The following ADAMTS2 variants were observed in gnomAD, a reference collection of about 807,000 sequenced individuals.
The protein encoded by ADAMTS2 is A disintegrin and metalloproteinase with thrombospondin motifs 2.
In ADAMTS2, 50 loss-of-function variants were observed where a neutral mutation model predicts 123.0. That is an observed-to-expected ratio of 0.41 (90% CI 0.32 to 0.51). The LOEUF (loss-of-function observed/expected upper bound fraction) is 0.51. ADAMTS2 is among the 20% of genes least tolerant of loss of function. The pLI, the probability that ADAMTS2 is intolerant of heterozygous loss-of-function variation, is 0.35. For missense variants in ADAMTS2, 1,494 were observed against 1,705.2 expected (o/e 0.88, Z 2.18); for synonymous variants, 678 against 695.4 (o/e 0.98, Z 0.39).
In ADAMTS2 at chr5:179,113,706, T is replaced by C; in HGVS notation, c.*161A>G. ...CACACGTGCTAACCTAGTTACCACATGCTCATGCCTATCTTTCTTACGTCA... is the reference window on the plus strand; with the variant it reads ...CACACGTGCTAACCTAGTTACCACACGCTCATGCCTATCTTTCTTACGTCA... On this transcript the variant is annotated 3_prime_UTR_variant, in exon 22 of 22. Transcript: ENST00000251582. The C allele has an allele frequency of 2.7e-6, 2 of 748,030 alleles. No individual in the cohort carries two copies. The highest frequency in any genetic ancestry group is 2.2e-6 in the Non-Finnish European group (1 of 445,456). 46.3% of individuals were successfully genotyped at this position (748,030 alleles called of 1,614,324 possible). A position where few individuals can be genotyped will look rare whatever the true frequency, so the allele number is the denominator to read the frequency against.
chr5:179,140,760 T>C (rs1266961042), intron 10 of ADAMTS2, among the ~76,000 whole-genome samples: 2 of 150,314 alleles, frequency 1.3e-5, no homozygotes, highest in African/African-American at 4.9e-5. Context: ...TCTAATACAT[T>C]GACTGACAGA....
chr5:179,322,486 A>ACT (rs1757213714), intron 2 of ADAMTS2, among the ~76,000 whole-genome samples: 2 of 152,154 alleles, frequency 1.3e-5, no homozygotes, highest in Non-Finnish European at 2.9e-5. Flanking sequence ...TTGAGGACAA[A>ACT]CCCTGAGCCA....
chr5:179,332,857 C>T lies in ADAMTS2; in HGVS notation c.534+10910G>A, dbSNP rs1581285950. 6.6e-6 allele frequency among the ~76,000 whole-genome samples: 1 copy of T among 152,256 alleles called. No individual in the cohort carries two copies. Among genetic ancestry groups the T allele is most frequent in the Non-Finnish European group, 1.5e-5 (1 of 68,018 alleles). On this transcript the variant is annotated intron_variant, in intron 2 of 21. Coordinates refer to ENST00000251582, the MANE Select transcript of ADAMTS2 (RefSeq NM_014244.5). The surrounding 1 kb of genome is among the most constrained non-coding windows in gnomAD (Gnocchi z 4.2). ...GCACCAAGGAGGATGCCTACCACTG[C>T]CCCCACCTTGCCCTGATCAGGTCTG...
chr5:179,153,325 T>C (rs1044267928), intron 9 of ADAMTS2, among the ~76,000 whole-genome samples, 166 bp downstream of exon 9: 1 of 151,964 alleles, frequency 6.6e-6, no homozygotes, highest in Non-Finnish European at 1.5e-5. Flanking sequence ...TCAGGGTGCC[T>C]AGGGGGTGGG....
At chr5:179,229,269 G>A (rs182007763) in intron 3 of ADAMTS2, among the ~76,000 whole-genome samples, 13 of 151,984 alleles carry the variant, frequency 8.6e-5, no homozygotes, top group African/African-American at 2.2e-4. Flanking sequence ...ACGAGACCCC[G>A]CTGCCCACTC....
At chr5:179,223,741 G>A (rs1273326075) in intron 3 of ADAMTS2, among the ~76,000 whole-genome samples, 1 of 152,186 alleles carries the variant, frequency 6.6e-6, no homozygotes, top group Admixed American at 6.5e-5. Flanking sequence ...CATCACATGT[G>A]AGTGTATGTG....
At chr5:179,339,882 G>C (rs184791961) in intron 2 of ADAMTS2, among the ~76,000 whole-genome samples, 11 of 152,366 alleles carry the variant, frequency 7.2e-5, no homozygotes, top group Non-Finnish European at 1.6e-4. Context: ...GAAGGCAGCA[G>C]CCTTGCTGGG....
At chr5:179,320,835 A>T (rs1278350691) in intron 2 of ADAMTS2, among the ~76,000 whole-genome samples, 1 of 152,202 alleles carries the variant, frequency 6.6e-6, no homozygotes, top group Non-Finnish European at 1.5e-5. Flanking sequence ...GGAAAGGAAA[A>T]GCTGTTTCCC....
intron 2 of ADAMTS2, among the ~76,000 whole-genome samples, chr5:179,289,913 A>G (rs1756137103): frequency 6.6e-6 from 1 of 152,224 alleles, no homozygotes; most frequent in African/African-American, 2.4e-5. Flanking sequence ...CCTCTTCAAA[A>G]ACATCCAGGT....
intron 7 of ADAMTS2, 73 bp downstream of exon 7, chr5:179,154,738 AGAG>A (rs1275713239): frequency 8.3e-5 from 103 of 1,238,918 alleles, no homozygotes; most frequent in Non-Finnish European, 1.1e-4. Context: ...CTTAAGGCAC[AGAG>A]GAGAAGTGGG....
At chr5:179,299,655 CT>C (rs775773066) in intron 2 of ADAMTS2, among the ~76,000 whole-genome samples, 10 of 151,800 alleles carry the variant, frequency 6.6e-5, no homozygotes, top group Non-Finnish European at 8.8e-5. Context: ...CTTCTGGAAG[CT>C]CTAAGGAGAA....
At chr5:179,237,627 T>C (rs1352286618) in intron 3 of ADAMTS2, among the ~76,000 whole-genome samples, 4 of 152,044 alleles carry the variant, frequency 2.6e-5, no homozygotes, top group African/African-American at 7.2e-5. Flanking sequence ...GATGAGGCGA[T>C]GTGTGATTCT....
intron 3 of ADAMTS2, among the ~76,000 whole-genome samples, chr5:179,240,285 C>T (rs561741203): frequency 1.1e-4 from 17 of 152,256 alleles, no homozygotes; most frequent in Admixed American, 9.1e-4. Context: ...CAGGGGTACC[C>T]GTGCCAGCAT....
At chr5:179,125,283 A>G in intron 18 of ADAMTS2, 103 bp from the exon 19 acceptor site, 1 of 1,048,380 alleles carries the variant, frequency 9.5e-7, no homozygotes, top group Non-Finnish European at 1.5e-6. Context: ...GACAGCGAGC[A>G]CAGAGGGCAG....
chr5:179,263,623 C>T (rs1298543751), intron 3 of ADAMTS2, among the ~76,000 whole-genome samples: 2 of 152,210 alleles, frequency 1.3e-5, no homozygotes, highest in Admixed American at 1.3e-4. Flanking sequence ...GTGCTCGTGG[C>T]GCAGCCCACA....
rs115550684 is a variant in ADAMTS2 at position 179,152,133 on chromosome 5, C to T, written c.1629+9G>A. Reference sequence around the variant, plus strand: ...TGCTGCCCTCCAAGAGCCCTTGATGCTGCCTCACCTTGCCAGGTGCACACA... The same window carrying T: ...TGCTGCCCTCCAAGAGCCCTTGATGTTGCCTCACCTTGCCAGGTGCACACA... On this transcript the variant is annotated intron_variant, in intron 10 of 21. Transcript: ENST00000251582. The T allele has an allele frequency of 8.0e-3, 12,936 of 1,610,288 alleles. 94 individuals are homozygous for T. Among genetic ancestry groups the T allele is most frequent in the South Asian group, 0.022 (2,041 of 90,980 alleles).
At chr5:179,177,414 T>C (rs564127797) in intron 5 of ADAMTS2, among the ~76,000 whole-genome samples, 1 of 152,348 alleles carries the variant, frequency 6.6e-6, no homozygotes, top group East Asian at 1.9e-4. Context: ...AGGGTCCCAT[T>C]GACTACGAAA....
chr5:179,219,211 C>A (rs186939653), intron 3 of ADAMTS2, among the ~76,000 whole-genome samples: 1 of 152,260 alleles, frequency 6.6e-6, no homozygotes, highest in East Asian at 1.9e-4. Flanking sequence ...TACCTCCTTC[C>A]CCCAGGAGCA....
At chr5:179,227,315 A>G (rs1765312799) in intron 3 of ADAMTS2, among the ~76,000 whole-genome samples, 1 of 152,214 alleles carries the variant, frequency 6.6e-6, no homozygotes, top group Non-Finnish European at 1.5e-5. Context: ...CACATGCAGG[A>G]GAGGCCAGGA....
Sources: gnomAD v4.1 joint callset for allele counts (sites outside exome capture counted in the v4.1 genomes callset) on GRCh38, gnomAD v4.1.1 for gene constraint, Gnocchi (gnomAD v3.1) non-coding constraint, MANE v1.5 for transcripts, NCBI Gene and HGNC (gene_info 2026-07-23, HGNC 2026-07-21) for gene names.